The following IL1RAPL1 variants were observed in gnomAD, a reference collection of about 807,000 sequenced individuals.
IL1RAPL1 encodes the protein interleukin-1 receptor accessory protein-like 1.
In IL1RAPL1, 3 loss-of-function variants were observed where a neutral mutation model predicts 48.4. The ratio of observed to expected loss-of-function variants is 0.06; its 90% CI spans 0.03 to 0.16. IL1RAPL1 has a LOEUF of 0.16. IL1RAPL1 is among the 10% of genes least tolerant of loss of function. The pLI, the probability that IL1RAPL1 is intolerant of heterozygous loss-of-function variation, is 1.00. For synonymous variants in IL1RAPL1, 185 were observed against 187.7 expected, an observed-to-expected ratio of 0.99 and a Z score of 0.12; for missense variants, 349 against 530.6, an observed-to-expected ratio of 0.66 and a Z score of 3.36.
At chrX:29,615,194 A>C (rs192839506) in intron 5 of IL1RAPL1, among the ~76,000 whole-genome samples, 2 of 112,135 alleles carry the variant, frequency 1.8e-5, no homozygotes, top group Admixed American at 1.9e-4. Flanking sequence ...TGTGAGTATC[A>C]CACACGGGAA....
intron 2 of IL1RAPL1, chrX:28,942,372 A>G (rs1924184531): frequency 9.1e-6 from 1 of 109,740 alleles, no homozygotes; most frequent in Non-Finnish European, 1.9e-5. Flanking sequence ...AAACAAATGA[A>G]TATATACAAT....
intron 2 of IL1RAPL1, among the ~76,000 whole-genome samples, chrX:28,850,121 A>G (rs1240948799): frequency 6.2e-5 from 7 of 112,394 alleles, no homozygotes; most frequent in Non-Finnish European, 1.3e-4. Context: ...ATTTATCCAT[A>G]AGTATTTGAT....
chrX:28,994,220 G>T (rs892678411), intron 2 of IL1RAPL1, among the ~76,000 whole-genome samples: 1 of 111,349 alleles, frequency 9.0e-6, no homozygotes, highest in African/African-American at 3.3e-5. Flanking sequence ...GTCTGGAGGG[G>T]GTTTTAACTT....
chrX:29,314,634 T>G (rs1932761612), intron 3 of IL1RAPL1, among the ~76,000 whole-genome samples: 1 of 112,536 alleles, frequency 8.9e-6, no homozygotes, highest in Non-Finnish European at 1.9e-5. Context: ...AGCGACAACC[T>G]CTCTGAGTTT....
intron 2 of IL1RAPL1, among the ~76,000 whole-genome samples, chrX:28,815,926 T>C (rs1424132748): frequency 1.1e-5 from 1 of 89,908 alleles, no homozygotes; most frequent in Admixed American, 1.3e-4. Context: ...GAACTTAGAT[T>C]GAATCCATAT....
chrX:28,873,080 G>A (rs1377317064), intron 2 of IL1RAPL1, among the ~76,000 whole-genome samples: 2 of 103,411 alleles, frequency 1.9e-5, no homozygotes, highest in Non-Finnish European at 3.9e-5. Context: ...TACTCAGACT[G>A]CTCTGAGCCT....
intron 6 of IL1RAPL1, among the ~76,000 whole-genome samples, chrX:29,916,466 C>T (rs1363047592): frequency 8.9e-6 from 1 of 111,826 alleles, no homozygotes; most frequent in Non-Finnish European, 1.9e-5. Context: ...CAAATGCCAG[C>T]AAAGGTGTTG....
chrX:29,435,657 T>C (rs927689696), intron 5 of IL1RAPL1, among the ~76,000 whole-genome samples: 12 of 110,423 alleles, frequency 1.1e-4, no homozygotes, highest in Admixed American at 1.9e-4. Context: ...AAACATGGTA[T>C]GTGTCTTGTG....
chrX:29,354,980 CAAAG>C (rs1569293417), intron 3 of IL1RAPL1, among the ~76,000 whole-genome samples: 1 of 111,631 alleles, frequency 9.0e-6, no homozygotes, highest in African/African-American at 3.3e-5. Flanking sequence ...CACCTAAAAA[CAAAG>C]AAAGAAGGGT....
intron 2 of IL1RAPL1, among the ~76,000 whole-genome samples, chrX:29,026,853 C>T (rs1247179534): frequency 1.8e-5 from 2 of 111,103 alleles, no homozygotes; most frequent in South Asian, 3.8e-4. Context: ...CAAGATTGGC[C>T]ATAGTTTTAG....
intron 1 of IL1RAPL1, among the ~76,000 whole-genome samples, chrX:28,788,212 A>G (rs754218624): frequency 2.4e-4 from 27 of 111,902 alleles, no homozygotes; most frequent in Non-Finnish European, 3.6e-4. Flanking sequence ...TATAGTGGTA[A>G]TCATTTCACA....
chrX:29,916,345 C>A (rs1932800821), intron 6 of IL1RAPL1, among the ~76,000 whole-genome samples: 1 of 111,924 alleles, frequency 8.9e-6, no homozygotes, highest in Admixed American at 9.5e-5. Context: ...ACAAAGGAAA[C>A]AACAGGTGCT....
chrX:29,950,775 C>G (rs1021584136), intron 9 of IL1RAPL1, among the ~76,000 whole-genome samples: 1 of 107,831 alleles, frequency 9.3e-6, no homozygotes, highest in Non-Finnish European at 1.9e-5. Flanking sequence ...CTCCCGGGTT[C>G]ACGCCATTCT....
intron 2 of IL1RAPL1, among the ~76,000 whole-genome samples, chrX:28,853,981 A>T (rs149606152): frequency 1.8e-5 from 2 of 111,814 alleles, no homozygotes; most frequent in African/African-American, 6.5e-5. Flanking sequence ...CAAACAGAAG[A>T]TATAGAAGTG....
intron 2 of IL1RAPL1, among the ~76,000 whole-genome samples, chrX:29,268,469 A>G (rs193076125): frequency 1.8e-5 from 2 of 110,983 alleles, no homozygotes; most frequent in African/African-American, 6.5e-5. Flanking sequence ...TCTGTCAAAT[A>G]CAAAGATAAG....
intron 2 of IL1RAPL1, among the ~76,000 whole-genome samples, chrX:29,270,134 A>T (rs1488216678): frequency 8.9e-6 from 1 of 111,890 alleles, no homozygotes; most frequent in African/African-American, 3.2e-5. Flanking sequence ...GACTACATTC[A>T]TCATTTGCTT....
In IL1RAPL1 at chrX:29,630,653, C is replaced by T. The variant is rs766325071; in HGVS notation, c.704-37777C>T. Among the ~76,000 whole-genome samples the T allele has an allele frequency of 3.6e-5, 4 of 110,199 alleles. No homozygotes were observed. In the South Asian group the frequency reaches 1.6e-3, roughly 44 times the overall value. ...TCCCGGGTTCACACCATTCTCCTGC[C>T]TCAGCCTCCTGAGTAGCTGGGACTA... On this transcript the variant is annotated intron_variant, in intron 5 of 10. Coordinates refer to ENST00000378993, the MANE Select transcript of IL1RAPL1 (RefSeq NM_014271.4).
At chrX:29,274,715 G>T (rs1044874844) in intron 2 of IL1RAPL1, among the ~76,000 whole-genome samples, 3 of 111,763 alleles carry the variant, frequency 2.7e-5, no homozygotes, top group Non-Finnish European at 5.6e-5. Context: ...CTGTAATGAA[G>T]GCAGAAAATG....
chrX:29,157,255 A>C (rs1359973636), intron 2 of IL1RAPL1, among the ~76,000 whole-genome samples: 1 of 111,508 alleles, frequency 9.0e-6, no homozygotes, highest in East Asian at 2.8e-4. Context: ...CACAACCTCA[A>C]ATGAGTTCCT....
Sources: gnomAD v4.1 joint callset for allele counts (sites outside exome capture counted in the v4.1 genomes callset) on GRCh38, gnomAD v4.1.1 for gene constraint, MANE v1.5 for transcripts, NCBI Gene and HGNC (gene_info 2026-07-23, HGNC 2026-07-21) for gene names.